The following CSMD1 variants were observed in gnomAD, a reference collection of about 807,000 sequenced individuals.
CSMD1 encodes CUB and sushi domain-containing protein 1.
A neutral mutation model predicts 417.5 loss-of-function variants in CSMD1; 213 were observed. The observed-to-expected ratio is 0.51, with a 90% CI of 0.46 to 0.57. The LOEUF is 0.57. CSMD1 is among the 20% of genes least tolerant of loss of function. The pLI, the probability that CSMD1 is intolerant of heterozygous loss-of-function variation, is 0.00. For missense variants in CSMD1, 6,923 were observed against 4,529.7 expected (o/e 1.53, Z -15.17); for synonymous variants, 2,862 against 1,736.8 (o/e 1.65, Z -16.11).
chr8:3,730,536 C>A (rs948669233), intron 6 of CSMD1, among the ~76,000 whole-genome samples: 1 of 151,984 alleles, frequency 6.6e-6, no homozygotes, highest in Non-Finnish European at 1.5e-5. Context: ...GGGATCACAG[C>A]GAGGAGAGGA....
chr8:4,411,477 G>C (rs993438052), intron 3 of CSMD1, among the ~76,000 whole-genome samples: 3 of 151,994 alleles, frequency 2.0e-5, no homozygotes, highest in African/African-American at 7.3e-5. Flanking sequence ...TTCCAATTAA[G>C]AGCCAGAGAT....
intron 3 of CSMD1, among the ~76,000 whole-genome samples, chr8:4,070,867 T>C (rs1226359322): frequency 6.6e-6 from 1 of 152,228 alleles, no homozygotes; most frequent in African/African-American, 2.4e-5. Flanking sequence ...AGGTTGACAG[T>C]TCCTTTTTGC....
At chr8:3,759,492 G>T (rs1797867784) in intron 5 of CSMD1, among the ~76,000 whole-genome samples, 1 of 152,064 alleles carries the variant, frequency 6.6e-6, no homozygotes, top group South Asian at 2.1e-4. Context: ...TAGGCCTGCT[G>T]GATTTGGTTT....
intron 23 of CSMD1, among the ~76,000 whole-genome samples, chr8:3,311,652 G>C (rs190919058): frequency 2.2e-4 from 33 of 152,296 alleles, no homozygotes; most frequent in Non-Finnish European, 4.0e-4. Flanking sequence ...GGTGCCCAAA[G>C]TATACTTTCT....
intron 4 of CSMD1, among the ~76,000 whole-genome samples, chr8:4,022,644 T>G (rs2023221178): frequency 6.6e-6 from 1 of 152,092 alleles, no homozygotes; most frequent in Admixed American, 6.5e-5. Context: ...ACCCTCTGGG[T>G]GAGCGCTCAG....
chr8:3,949,821 G>C (rs887030877), intron 5 of CSMD1: 14 of 438,244 alleles, frequency 3.2e-5, no homozygotes, highest in Admixed American at 1.7e-4. Context: ...GCAATGACCT[G>C]CTTCCATCTT....
chr8:4,035,984 T>G (rs1460994351), intron 3 of CSMD1, among the ~76,000 whole-genome samples: 1 of 152,172 alleles, frequency 6.6e-6, no homozygotes, highest in Non-Finnish European at 1.5e-5. Context: ...ACACTTTTTT[T>G]TATTTTTAAT....
chr8:4,208,757 T>C (rs990085688), intron 3 of CSMD1, among the ~76,000 whole-genome samples: 2 of 152,244 alleles, frequency 1.3e-5, no homozygotes, highest in East Asian at 3.8e-4. Context: ...TATATTGTCG[T>C]GGAAATTTTG....
intron 5 of CSMD1, among the ~76,000 whole-genome samples, chr8:3,855,109 A>G (rs891821181): frequency 6.6e-6 from 1 of 152,152 alleles, no homozygotes. Context: ...TCTTGAAGCT[A>G]TGGTTTTAAA....
intron 3 of CSMD1, among the ~76,000 whole-genome samples, chr8:4,249,749 G>C (rs563098668): frequency 6.6e-6 from 1 of 152,042 alleles, no homozygotes; most frequent in African/African-American, 2.4e-5. Context: ...GGAGAACAAA[G>C]TCTATTAATG....
intron 1 of CSMD1, among the ~76,000 whole-genome samples, chr8:4,777,427 C>T (rs912280408): frequency 9.2e-5 from 14 of 152,272 alleles, no homozygotes; most frequent in African/African-American, 3.1e-4. Flanking sequence ...AGAACATTCT[C>T]CCTTAGGTCA....
At chr8:4,783,286 A>G (rs1000365232) in intron 1 of CSMD1, among the ~76,000 whole-genome samples, 7 of 152,198 alleles carry the variant, frequency 4.6e-5, no homozygotes, top group African/African-American at 1.7e-4. Context: ...AATACACTCA[A>G]AACCACACAA....
At chr8:4,717,310 C>CATATATAT (rs377764710) in intron 1 of CSMD1, among the ~76,000 whole-genome samples, 11,186 of 136,946 alleles carry the variant, frequency 0.082, 1,556 homozygotes, top group African/African-American at 0.28. Context: ...TCTCTCTCTC[C>CATATATAT]ATATATATAT....
chr8:3,882,099 G>C (rs1035921274), intron 5 of CSMD1, among the ~76,000 whole-genome samples: 2 of 151,536 alleles, frequency 1.3e-5, no homozygotes, highest in African/African-American at 4.8e-5. Context: ...AGAAATTCTG[G>C]TCAAACCATT....
At chr8:4,350,852 C>A (rs1172456529) in intron 3 of CSMD1, among the ~76,000 whole-genome samples, 1 of 152,150 alleles carries the variant, frequency 6.6e-6, no homozygotes, top group Non-Finnish European at 1.5e-5. Flanking sequence ...ACACTATCTG[C>A]CAGTGGCTCT....
rs116253982 is a variant in CSMD1 at position 4,121,296 on chromosome 8, G to A, written c.416-89197C>T. Among the ~76,000 whole-genome samples the A allele has an allele frequency of 7.0e-3, 1,059 of 151,898 alleles. 11 individuals carry two copies. The highest frequency in any genetic ancestry group is 0.025 in the African/African-American group (1,017 of 41,410). On this transcript the variant is annotated intron_variant, in intron 3 of 69. Transcript: ENST00000635120. The stretch of plus-strand genomic sequence containing the variant: ...CACCCAGCTCGTTTTTGTATTTTTA[G>A]TAGAGACACCGTTCCACCATGTTGG...
chr8:4,813,778 G>C (rs10092360), intron 1 of CSMD1, among the ~76,000 whole-genome samples: 150,805 of 152,308 alleles, frequency 0.99, 74,678 homozygotes, highest in East Asian at 1. Flanking sequence ...TAATTTTACT[G>C]TTGCTTGAGA....
chr8:2,946,376 G>C (rs1465379254), intron 68 of CSMD1, among the ~76,000 whole-genome samples: 1 of 152,106 alleles, frequency 6.6e-6, no homozygotes, highest in East Asian at 1.9e-4. Context: ...GTATCTCTTA[G>C]CTTTATTCTT....
At chr8:3,607,822 C>A (rs533225451) in intron 8 of CSMD1, among the ~76,000 whole-genome samples, 1 of 152,130 alleles carries the variant, frequency 6.6e-6, no homozygotes. Flanking sequence ...ATCAGCATGG[C>A]TGGTGTTGGT....
Sources: allele counts gnomAD v4.1 joint callset (sites outside exome capture counted in the v4.1 genomes callset), GRCh38; gene constraint gnomAD v4.1.1; transcripts MANE v1.5; gene names NCBI Gene and HGNC (gene_info 2026-07-23, HGNC 2026-07-21).